NLGN4X: variants seen among roughly 807,000 people sequenced by gnomAD.
NLGN4X encodes neuroligin-4, X-linked.
NLGN4X carries 3 observed loss-of-function variants against 40.3 expected under a neutral mutation model. The observed-to-expected ratio is 0.07, with a 90% confidence interval of 0.03 to 0.19. NLGN4X has a LOEUF of 0.19. Among genes scored for constraint, NLGN4X ranks in the 10% least tolerant of loss-of-function variants. The pLI is 1.00. For synonymous variants in NLGN4X, 270 were observed against 306.8 expected (o/e 0.88, Z 1.25); for missense variants, 382 against 708.3 (o/e 0.54, Z 5.23).
intron 1 of NLGN4X, among the ~76,000 whole-genome samples, chrX:6,164,679 G>C (rs936689661): frequency 9.0e-6 from 1 of 111,448 alleles, no homozygotes; most frequent in Non-Finnish European, 1.9e-5. Context: ...AATGAACTGT[G>C]CAATATCCGA....
At chrX:6,193,094 C>T (rs1051676376) in intron 1 of NLGN4X, among the ~76,000 whole-genome samples, 1 of 111,922 alleles carries the variant, frequency 8.9e-6, no homozygotes, top group Non-Finnish European at 1.9e-5. Context: ...TGATACTTAC[C>T]ATTGCCTCGT....
At chrX:5,968,886 T>G (rs149276455) in intron 3 of NLGN4X, among the ~76,000 whole-genome samples, 7,436 of 110,286 alleles carry the variant, frequency 0.067, 627 homozygotes, top group African/African-American at 0.23. Context: ...ACACTGACAT[T>G]TAGTGATTTC....
chrX:6,175,601 T>C (rs1334418424), intron 1 of NLGN4X, among the ~76,000 whole-genome samples: 5 of 95,605 alleles, frequency 5.2e-5, no homozygotes, highest in Non-Finnish European at 1.0e-4. Context: ...GGGATACATT[T>C]GACAACCTAC....
intron 3 of NLGN4X, among the ~76,000 whole-genome samples, chrX:6,010,514 T>TTATTATTATTATTATTATTA (rs1220201261): frequency 1.1e-3 from 28 of 26,450 alleles, no homozygotes; most frequent in African/African-American, 3.4e-3. Context: ...TCTTTTTATT[T>TTATTATTATTATTATTATTA]TATTATTATT....
intron 1 of NLGN4X, among the ~76,000 whole-genome samples, chrX:6,161,939 G>A (rs891567081): frequency 1.1e-4 from 12 of 111,691 alleles, no homozygotes; most frequent in African/African-American, 3.2e-4. Context: ...CTAACCAAGT[G>A]AAATATTAAA....
At chrX:6,041,455 G>T (rs1373818868) in intron 2 of NLGN4X, among the ~76,000 whole-genome samples, 1 of 111,975 alleles carries the variant, frequency 8.9e-6, no homozygotes, top group East Asian at 2.8e-4. Flanking sequence ...GGCATTCTCT[G>T]CTGTTTCTCC....
chrX:6,065,072 C>T (rs762508781), intron 2 of NLGN4X, among the ~76,000 whole-genome samples: 11 of 110,367 alleles, frequency 1.0e-4, no homozygotes, highest in African/African-American at 3.6e-4. Flanking sequence ...TGAGGACGCA[C>T]GGGCCCAAAA....
intron 5 of NLGN4X, among the ~76,000 whole-genome samples, chrX:5,901,273 C>T (rs2031847604): frequency 8.9e-6 from 1 of 112,338 alleles, no homozygotes; most frequent in Non-Finnish European, 1.9e-5. Flanking sequence ...CTAAGGATTA[C>T]TGTGCATAAC....
Position 5,900,583 on chromosome X carries a change from TTTTTTTA to T in NLGN4X, c.1601+2487_1601+2493del, listed in dbSNP as rs768024424. On this transcript the variant is annotated intron_variant, in intron 5 of 5. Coordinates refer to ENST00000381095, the MANE Select transcript of NLGN4X (RefSeq NM_181332.3). ...TGCTTTTTTTTTTTTTTTTTTTTTT[TTTTTTTA>T]AAGATAAAGGTTTCGGTCTGTCACC... 4.6e-3 allele frequency among the ~76,000 whole-genome samples: 333 copies of T among 71,923 alleles called. 13 individuals are homozygous for T. Among genetic ancestry groups the T allele is most frequent in the East Asian group, 0.034 (58 of 1,731 alleles). The allele number at this position is 71,923 out of a possible 115,157, so 62.5% of individuals were successfully genotyped here.
In NLGN4X at chrX:6,116,391, C is replaced by CTTTTTTTTT. The variant is rs1157468420; in HGVS notation, c.472+34595_472+34603dup. ...ACAAGTAGGTATTGAACCTTTCTTT[C>CTTTTTTTTT]TTTTTTTTTTTTTTTTTTTTTTTTT... On this transcript the variant is annotated intron_variant, in intron 2 of 5. Coordinates refer to ENST00000381095, the MANE Select transcript of NLGN4X (RefSeq NM_181332.3). 2.5e-3 allele frequency among the ~76,000 whole-genome samples: 55 copies of CTTTTTTTTT among 22,290 alleles called. 13 individuals carry two copies. Among genetic ancestry groups the CTTTTTTTTT allele is most frequent in the African/African-American group, 5.0e-3 (27 of 5,355 alleles). The allele number at this position is 22,290 out of a possible 115,157, so 19.4% of individuals were successfully genotyped here. A position where few individuals can be genotyped will look rare whatever the true frequency, so the allele number is the denominator to read the frequency against.
At chrX:5,977,042 A>T (rs1412783474) in intron 3 of NLGN4X, among the ~76,000 whole-genome samples, 1 of 112,608 alleles carries the variant, frequency 8.9e-6, no homozygotes, top group Non-Finnish European at 1.9e-5. Flanking sequence ...TTGGTCTCAC[A>T]TACTGGAGCA....
chrX:6,122,005 C>T (rs1371327967), intron 2 of NLGN4X, among the ~76,000 whole-genome samples: 1 of 112,304 alleles, frequency 8.9e-6, no homozygotes, highest in Non-Finnish European at 1.9e-5. Flanking sequence ...ATCAGGCTGG[C>T]GAAATCTCTC....
intron 2 of NLGN4X, among the ~76,000 whole-genome samples, chrX:6,034,709 T>C (rs1300826656): frequency 4.6e-5 from 1 of 21,948 alleles, no homozygotes; most frequent in Non-Finnish European, 9.1e-5. Flanking sequence ...TGTCTCATCA[T>C]AGGTTTTTTT....
chrX:6,168,931 T>C (rs747046383), intron 1 of NLGN4X, among the ~76,000 whole-genome samples: 1 of 111,799 alleles, frequency 8.9e-6, no homozygotes, highest in African/African-American at 3.2e-5. Context: ...TAGAGAACAT[T>C]AAAAAATCAT....
intron 3 of NLGN4X, among the ~76,000 whole-genome samples, chrX:5,974,900 T>G (rs377650753): frequency 8.9e-6 from 1 of 111,939 alleles, no homozygotes; most frequent in East Asian, 2.8e-4. Context: ...GGGCCATTGT[T>G]AACTGAAATA....
intron 3 of NLGN4X, among the ~76,000 whole-genome samples, chrX:5,981,757 T>A (rs1010727116): frequency 9.0e-6 from 1 of 111,055 alleles, no homozygotes; most frequent in Non-Finnish European, 1.9e-5. Context: ...AAGGGTATTA[T>A]TTACTGAATA....
chrX:6,013,532 G>A (rs1237454532), intron 3 of NLGN4X, among the ~76,000 whole-genome samples: 3 of 61,779 alleles, frequency 4.9e-5, no homozygotes, highest in Admixed American at 1.8e-4. Flanking sequence ...ACACTAGGGA[G>A]AGAGAGGTAG....
rs73444273 is a variant in NLGN4X, at chrX:6,131,118, A to T, written c.472+19877T>A. 3.0e-3 allele frequency among the ~76,000 whole-genome samples: 338 copies of T among 111,549 alleles called. 1 individual carries two copies. Among genetic ancestry groups the T allele is most frequent in the African/African-American group, 0.01 (310 of 30,711 alleles). On this transcript the variant is annotated intron_variant, in intron 2 of 5. Coordinates refer to ENST00000381095, the MANE Select transcript of NLGN4X (RefSeq NM_181332.3). ...GTCTTGCCATGCCAATCAATTTCAA[A>T]GAATACCACCGATAAATAATATTTT...
chrX:5,930,885 C>A (rs1569137643), intron 3 of NLGN4X, among the ~76,000 whole-genome samples: 1 of 111,827 alleles, frequency 8.9e-6, no homozygotes, highest in Non-Finnish European at 1.9e-5. Flanking sequence ...CTCATCCTTC[C>A]CTGTTGCTGT....
Sources: gnomAD v4.1 joint callset for allele counts (sites outside exome capture counted in the v4.1 genomes callset) on GRCh38, gnomAD v4.1.1 for gene constraint, MANE v1.5 for transcripts, NCBI Gene and HGNC (gene_info 2026-07-23, HGNC 2026-07-21) for gene names.